MICALL2: variants seen among roughly 807,000 people sequenced by gnomAD.
The protein encoded by MICALL2 is MICAL like 2.
A neutral mutation model predicts 91.1 loss-of-function variants in MICALL2; 111 were observed. The ratio of observed to expected loss-of-function variants is 1.22; its 90% CI spans 1.04 to 1.43. MICALL2 has a LOEUF of 1.43. MICALL2 is among the 40% of genes most tolerant of loss of function. The pLI is 0.00. For missense variants in MICALL2, 1,556 were observed against 1,236.0 expected (o/e 1.26, Z -3.88); for synonymous variants, 694 against 525.3 (o/e 1.32, Z -4.39).
intron 3 of MICALL2, among the ~76,000 whole-genome samples, chr7:1,448,348 G>T (rs1321095559): frequency 1.3e-5 from 2 of 152,260 alleles, no homozygotes; most frequent in Non-Finnish European, 2.9e-5. Context: ...TGGGGAAGCA[G>T]CGGGGGCAGC....
chr7:1,434,980 T>TGGCCCCCCCC, intron 16 of MICALL2, 121 bp downstream of exon 16: 3 of 628,928 alleles, frequency 4.8e-6, no homozygotes, highest in Admixed American at 2.4e-5. Context: ...GGGGACCCGA[T>TGGCCCCCCCC]ACCCGCCCCC....
intron 15 of MICALL2, among the ~76,000 whole-genome samples, chr7:1,435,362 T>C (rs1308966571): frequency 2.0e-5 from 3 of 151,562 alleles, no homozygotes; most frequent in Non-Finnish European, 2.9e-5. Flanking sequence ...AACAGTGACA[T>C]GGTACAGGAG....
rs1246790337 is a variant in MICALL2 at position 1,437,887 on chromosome 7, C to T, written c.2402+3G>A. ...GAGGAGGGGCCCACGGCTGGGCTCT[C>T]ACTTGTACATCAGCTCTGACTCCTG... On this transcript the variant is annotated splice_donor_region_variant and intron_variant, in intron 13 of 16. Coordinates refer to ENST00000297508, the MANE Select transcript of MICALL2 (RefSeq NM_182924.4). 5.2e-6 allele frequency: 8 copies of T among 1,548,562 alleles called. No homozygotes were observed. Among genetic ancestry groups the T allele is most frequent in the South Asian group, 1.2e-5 (1 of 83,990 alleles).
In MICALL2 at chr7:1,441,613, C is replaced by T. The variant is rs116609672; in HGVS notation, c.1711+579G>A. 1,004 of 158,344 alleles carry T rather than the reference C, an allele frequency of 6.3e-3. 8 individuals carry two copies. Among genetic ancestry groups the T allele is most frequent in the African/African-American group, 0.023 (944 of 41,498 alleles). 9.8% of individuals were successfully genotyped at this position (158,344 alleles called of 1,614,324 possible). On this transcript the variant is annotated intron_variant, in intron 7 of 16. Transcript: ENST00000297508. ...TAGGGCATCGTCACCAGACCACCAC[C>T]GGGGGGGACGGAGCACAGGGCGCTC...
chr7:1,439,907 G>C lies in MICALL2; in HGVS notation c.1966+18C>G. The C allele has an allele frequency of 7.0e-7, 1 of 1,423,842 alleles. No homozygotes were observed. Among genetic ancestry groups the C allele is most frequent in the Non-Finnish European group, 9.2e-7 (1 of 1,091,596 alleles). 88.2% of individuals were successfully genotyped at this position (1,423,842 alleles called of 1,614,324 possible). A position where few individuals can be genotyped will look rare whatever the true frequency, so the allele number is the denominator to read the frequency against. ...CAGCTAGGCAACCCGGGGGCCCCTG[G>C]GTCCCGTCCAGGAGTACCTGGGAGG... is the stretch of plus-strand genomic sequence containing the variant. On this transcript the variant is annotated intron_variant, in intron 9 of 16. Transcript: ENST00000297508.
intron 1 of MICALL2, among the ~76,000 whole-genome samples, chr7:1,455,366 C>T (rs1038584805): frequency 1.3e-5 from 2 of 152,180 alleles, no homozygotes; most frequent in African/African-American, 4.8e-5. Context: ...AGTATGGAAA[C>T]AGCGCCCGGG....
Position 1,445,150 on chromosome 7 carries a change from G to A in MICALL2, c.920C>T (p.Ala307Val), listed in dbSNP as rs1021122166. The change falls in exon 6 of 17, where the codon GCA becomes GTA. Residue 307 changes from alanine to valine, a missense_variant. Physicochemically the swap from Ala to Val is moderately conservative, Grantham distance 64. Coordinates refer to ENST00000297508, the MANE Select transcript of MICALL2 (RefSeq NM_182924.4). ...GTGGACGGACGTGGCGCTGGTGGCT[G>A]CAGGGTTGGGTGCAGCTGGAACGGA... ...RASVPAAPNP[A>V]ATSATSVHVR... 19 of 1,572,928 alleles carry A rather than the reference G, an allele frequency of 1.2e-5. No individual in the cohort carries two copies. Among genetic ancestry groups the A allele is most frequent in the Non-Finnish European group, 1.6e-5 (19 of 1,160,284 alleles).
intron 1 of MICALL2, among the ~76,000 whole-genome samples, chr7:1,458,037 G>A (rs949192578): frequency 3.9e-5 from 6 of 152,278 alleles, no homozygotes; most frequent in African/African-American, 1.2e-4. Context: ...GAGGGAGAGC[G>A]GCTGCTGCCC....
intron 6 of MICALL2, among the ~76,000 whole-genome samples, chr7:1,442,934 T>C (rs2128521627): frequency 6.6e-6 from 1 of 152,188 alleles, no homozygotes; most frequent in East Asian, 1.9e-4. Context: ...ACAGTCTCTC[T>C]GGCCCCGCCA....
chr7:1,436,887 C>T lies in MICALL2; in HGVS notation c.2477-31G>A, dbSNP rs764316204. ...GGGATGGCTCGTCAGCAGGAGCCCC[C>T]CCCACCACTGCCATGCCCCTCACAG... On this transcript the variant is annotated intron_variant, in intron 14 of 16. Transcript: ENST00000297508. The T allele has an allele frequency of 2.7e-6, 4 of 1,469,106 alleles. No individual in the cohort carries two copies. The African/African-American group carries it at 4.3e-5, about 16-fold the overall frequency. 91.0% of individuals were successfully genotyped at this position (1,469,106 alleles called of 1,614,324 possible). A position where few individuals can be genotyped will look rare whatever the true frequency, so the allele number is the denominator to read the frequency against.
At chr7:1,437,194 G>A (rs910135570) in intron 14 of MICALL2, 21 of 487,508 alleles carry the variant, frequency 4.3e-5, no homozygotes, top group African/African-American at 3.1e-4. Flanking sequence ...AGGGCACCCT[G>A]CATCACGAGA....
chr7:1,448,797 G>C (rs1362495166), intron 2 of MICALL2, 36 bp from the exon 3 acceptor site: 1 of 1,608,544 alleles, frequency 6.2e-7, no homozygotes. Flanking sequence ...GGGGCAGCTG[G>C]GAGCCCCCTC....
Position 1,434,435 on chromosome 7 carries a change from T to TAGGGACAGG in MICALL2, c.*152_*160dup, listed in dbSNP as rs1349501408. 5.6e-6 allele frequency: 4 copies of TAGGGACAGG among 711,730 alleles called. No individual in the cohort carries two copies. Among genetic ancestry groups the TAGGGACAGG allele is most frequent in the Non-Finnish European group, 1.0e-5 (4 of 391,432 alleles). The allele number at this position is 711,730 out of a possible 1,614,324, so 44.1% of individuals were successfully genotyped here. On this transcript the variant is annotated 3_prime_UTR_variant, in exon 17 of 17. Coordinates refer to ENST00000297508, the MANE Select transcript of MICALL2 (RefSeq NM_182924.4). ...GTCCCTGCTGTCCACATGCCCCTTG[T>TAGGGACAGG]AGGGACAGGAGGCCCTTCCCGAGTC...
rs533920986 is a variant in MICALL2 at position 1,452,316 on chromosome 7, G to A, written c.144-2028C>T. 7.2e-5 allele frequency among the ~76,000 whole-genome samples: 11 copies of A among 152,132 alleles called. No individual in the cohort carries two copies. The highest frequency in any genetic ancestry group is 8.8e-5 in the Non-Finnish European group (6 of 68,014). On this transcript the variant is annotated intron_variant, in intron 1 of 16. Transcript: ENST00000297508. This position sits in a 1 kb window ranked among gnomAD's most constrained non-coding sequence, Gnocchi z 6.2. Reference sequence around the variant, plus strand: ...CTCTGTCTGCCTGGGCTTGTCCCCCGAGAGGGTGTGACCCGAGGGCACGTG... The same window carrying A: ...CTCTGTCTGCCTGGGCTTGTCCCCCAAGAGGGTGTGACCCGAGGGCACGTG...
intron 15 of MICALL2, 140 bp downstream of exon 15, chr7:1,436,602 C>A: frequency 2.1e-6 from 1 of 467,234 alleles, no homozygotes; most frequent in Admixed American, 4.1e-5. Flanking sequence ...CCACATGTGG[C>A]CCCTGGCTAC....
At chr7:1,435,209 TC>T (rs1554265177) in intron 15 of MICALL2, 62 bp from the exon 16 acceptor site, 1 of 1,561,496 alleles carries the variant, frequency 6.4e-7, no homozygotes, top group Non-Finnish European at 8.8e-7. Context: ...TGGAGGGGCC[TC>T]CGGACAGTCT....
At chr7:1,439,480 G>GC in intron 9 of MICALL2, 1 of 109,156 alleles carries the variant, frequency 9.2e-6, no homozygotes, top group Non-Finnish European at 1.6e-5. Flanking sequence ...TGTACACATG[G>GC]ACACATGCAT....
rs752343550 is a variant in MICALL2, at chr7:1,450,245, T to C, written c.187A>G (p.Lys63Glu). ...LKKENIYENN[K>E]LAFRVAEEHL... ...CCGGGGCGGGGGCCACTCACCAGTT[T>C]ATTGTTTTCATAAATATTTTCCTTC... is the stretch of plus-strand genomic sequence containing the variant. The change falls in exon 2 of 17, where the codon AAA (lysine) becomes GAA (glutamate). Residue 63 changes from lysine to glutamate, a missense_variant. Lys to Glu is a moderately conservative substitution (Grantham distance 56). Coordinates refer to ENST00000297508, the MANE Select transcript of MICALL2 (RefSeq NM_182924.4). 5 of 1,612,708 alleles carry C rather than the reference T, an allele frequency of 3.1e-6. No individual in the cohort carries two copies. Among genetic ancestry groups the C allele is most frequent in the Non-Finnish European group, 3.4e-6 (4 of 1,179,806 alleles).
rs375945841 is a variant in MICALL2 at position 1,445,383 on chromosome 7, G to A, written c.687C>T (p.Ala229=). ...SCTLHSGAYK[A]TGEPGTFVCT... is the part of the protein sequence containing the mutation. Reference sequence around the variant, plus strand: ...AGACGAAGGTGCCCGGCTCTCCTGTGGCCTTGTAGGCCCCCGAGTGCAGCG... The same window carrying A: ...AGACGAAGGTGCCCGGCTCTCCTGTAGCCTTGTAGGCCCCCGAGTGCAGCG... Residue 229 remains alanine, a synonymous_variant, in exon 6 of 17, where the codon GCC becomes GCT. Coordinates refer to ENST00000297508, the MANE Select transcript of MICALL2 (RefSeq NM_182924.4). 15 of 1,577,580 alleles carry A rather than the reference G, an allele frequency of 9.5e-6. No individual in the cohort carries two copies. Among genetic ancestry groups the A allele is most frequent in the African/African-American group, 1.3e-5 (1 of 74,542 alleles).
Sources: allele counts gnomAD v4.1 joint callset (sites outside exome capture counted in the v4.1 genomes callset), GRCh38; gene constraint gnomAD v4.1.1; non-coding constraint Gnocchi (gnomAD v3.1); transcripts MANE v1.5; gene names NCBI Gene and HGNC (gene_info 2026-07-23, HGNC 2026-07-21).